CCDC174: variants seen among roughly 807,000 people sequenced by gnomAD.
CCDC174 encodes the protein coiled-coil domain containing 174.
CCDC174 carries 37 observed loss-of-function variants against 57.1 expected under a neutral mutation model. The ratio of observed to expected loss-of-function variants is 0.65; its 90% confidence interval spans 0.50 to 0.85. The LOEUF is 0.85. CCDC174 is among the 40% of genes least tolerant of loss of function. CCDC174 has a pLI of 0.00. For synonymous variants in CCDC174, 182 were observed against 190.2 expected (o/e 0.96, Z 0.35); for missense variants, 540 against 574.3 (o/e 0.94, Z 0.61).
chr3:14,653,887 T>G (rs1575067362), intron 1 of CCDC174, among the ~76,000 whole-genome samples: 1 of 152,396 alleles, frequency 6.6e-6, no homozygotes, highest in South Asian at 2.1e-4. Context: ...TATCTGAACT[T>G]ATGTGCTACT....
intron 6 of CCDC174, 82 bp from the exon 7 acceptor site, chr3:14,666,723 A>T: frequency 9.1e-7 from 1 of 1,099,742 alleles, no homozygotes; most frequent in South Asian, 1.8e-5. Context: ...AGTGTTACTT[A>T]TGCATGATGC....
At chr3:14,664,889 A>G (rs2031262914) in intron 5 of CCDC174, 139 bp from the exon 6 acceptor site, 1 of 679,816 alleles carries the variant, frequency 1.5e-6, no homozygotes, top group Admixed American at 2.4e-5. Context: ...TATTCCTATC[A>G]GTGGTAGTGG....
At chr3:14,663,139 G>C (rs772381380) in intron 5 of CCDC174, among the ~76,000 whole-genome samples, 3 of 152,004 alleles carry the variant, frequency 2.0e-5, no homozygotes, top group Non-Finnish European at 4.4e-5. Context: ...TCACAGCCTC[G>C]ACCTCCTGGG....
At position 14,671,406 on chromosome 3, in the gene CCDC174, A is replaced by AGGTCACGAGGAATTTCTC; in HGVS notation, c.*212_*213insGGTCACGAGGAATTTCTC. 1 of 542,552 alleles carries AGGTCACGAGGAATTTCTC rather than the reference A, an allele frequency of 1.8e-6. No homozygotes were observed. The highest frequency in any genetic ancestry group is 3.3e-6 in the Non-Finnish European group (1 of 307,328). 33.6% of individuals were successfully genotyped at this position (542,552 alleles called of 1,614,324 possible). A position where few individuals can be genotyped will look rare whatever the true frequency, so the allele number is the denominator to read the frequency against. ...TTCTAAGTGGGATAGGGACATACCTACCTGGATTTACATGTGAGCTGCGAT... is the reference window on the plus strand; with the variant it reads ...TTCTAAGTGGGATAGGGACATACCTAGGTCACGAGGAATTTCTCCCTGGATTTACATGTGAGCTGCGAT... On this transcript the variant is annotated 3_prime_UTR_variant, in exon 11 of 11. Transcript: ENST00000383794.
intron 4 of CCDC174, among the ~76,000 whole-genome samples, chr3:14,659,809 T>C (rs2031071324): frequency 6.6e-6 from 1 of 152,138 alleles, no homozygotes; most frequent in Non-Finnish European, 1.5e-5. Context: ...GAATATGTAA[T>C]CAGGGAAGTC....
At position 14,651,829 on chromosome 3, in the gene CCDC174, C is replaced by T. The variant is rs1174110169; in HGVS notation, c.-8C>T. On this transcript the variant is annotated 5_prime_UTR_variant, in exon 1 of 11. Transcript: ENST00000383794. The stretch of plus-strand genomic sequence containing the variant: ...GTCCTTCCTGGACCGGGACCCTCTG[C>T]CACGACCATGGACCGTAGGAAAAAG... 1.9e-6 allele frequency: 3 copies of T among 1,613,956 alleles called. No individual in the cohort carries two copies. Among genetic ancestry groups the T allele is most frequent in the South Asian group, 2.2e-5 (2 of 91,078 alleles).
chr3:14,662,337 C>CA (rs2031168301), intron 5 of CCDC174, among the ~76,000 whole-genome samples: 1 of 149,160 alleles, frequency 6.7e-6, no homozygotes, highest in Non-Finnish European at 1.5e-5. Context: ...AACACCCCCC[C>CA]GCCCCCCTTC....
At chr3:14,654,144 AT>A (rs1365924110) in intron 1 of CCDC174, among the ~76,000 whole-genome samples, 1 of 152,354 alleles carries the variant, frequency 6.6e-6, no homozygotes, top group South Asian at 2.1e-4. Flanking sequence ...GACTTTATTA[AT>A]TTATTTTGCT....
intron 7 of CCDC174, 85 bp downstream of exon 7, chr3:14,667,032 A>G (rs1403377435): frequency 1.7e-6 from 2 of 1,170,902 alleles, no homozygotes; most frequent in South Asian, 1.5e-5. Flanking sequence ...TCATAAAGCA[A>G]TAGCTTTTAC....
chr3:14,668,325 A>C, intron 9 of CCDC174, 144 bp downstream of exon 9: 4 of 714,552 alleles, frequency 5.6e-6, no homozygotes, highest in Middle Eastern at 4.2e-4. Context: ...TGGCAGGAGC[A>C]ATTTTTATAA....
At chr3:14,659,921 A>G (rs1425734197) in intron 4 of CCDC174, among the ~76,000 whole-genome samples, 1 of 152,198 alleles carries the variant, frequency 6.6e-6, no homozygotes, top group Admixed American at 6.5e-5. Context: ...CCAGAGGTCA[A>G]CAGAGTCACC....
rs932010064 is a variant in CCDC174, at chr3:14,667,652, A to G, written c.819+134A>G. On this transcript the variant is annotated intron_variant, in intron 8 of 10. Transcript: ENST00000383794. ...TCAGAATTGCATAAAGGTAGTTGCC[A>G]TACTATTTTTGTGTTTCAAATTTTA... 1.1e-5 allele frequency: 8 copies of G among 695,938 alleles called. No homozygotes were observed. In the African/African-American group the frequency reaches 1.3e-4, roughly 11 times the overall value. The allele number at this position is 695,938 out of a possible 1,614,324, so 43.1% of individuals were successfully genotyped here.
intron 5 of CCDC174, among the ~76,000 whole-genome samples, chr3:14,663,041 T>G (rs13081116): frequency 6.6e-6 from 1 of 152,168 alleles, no homozygotes; most frequent in African/African-American, 2.4e-5. Flanking sequence ...TCATCATTTC[T>G]TTCTTTCTTT....
At chr3:14,667,811 T>G (rs1336302883) in intron 8 of CCDC174, among the ~76,000 whole-genome samples, 2 of 152,146 alleles carry the variant, frequency 1.3e-5, no homozygotes, top group African/African-American at 2.4e-5. Flanking sequence ...TGGGTTGGTT[T>G]TCTTGAGTGT....
At chr3:14,659,061 A>G (rs1197093304) in intron 4 of CCDC174, 132 bp downstream of exon 4, 3 of 854,922 alleles carry the variant, frequency 3.5e-6, no homozygotes, top group African/African-American at 3.5e-5. Context: ...CCATGGCTGC[A>G]CAGAGACAAG....
intron 1 of CCDC174, 34 bp from the exon 2 acceptor site, chr3:14,654,392 T>G (rs1482008308): frequency 8.9e-7 from 1 of 1,129,578 alleles, no homozygotes; most frequent in African/African-American, 1.6e-5. Flanking sequence ...TGCAGGAATT[T>G]AATATTTTTG....
At position 14,658,935 on chromosome 3, in the gene CCDC174, T is replaced by C; in HGVS notation, c.307+6T>C. On this transcript the variant is annotated splice_donor_region_variant and intron_variant, in intron 4 of 10. Transcript: ENST00000383794. ...GACTAAAGGAGACTTTATAGGTAAA[T>C]AAAATTTGTTATTTCTACTTCATTT... The C allele has an allele frequency of 6.7e-7, 1 of 1,499,632 alleles. No individual in the cohort carries two copies. The highest frequency in any genetic ancestry group is 1.8e-4 in the Middle Eastern group (1 of 5,624). 92.9% of individuals were successfully genotyped at this position (1,499,632 alleles called of 1,614,324 possible).
At chr3:14,665,191 G>A in intron 6 of CCDC174, 68 bp downstream of exon 6, 11 of 1,050,802 alleles carry the variant, frequency 1.0e-5, no homozygotes, top group South Asian at 1.0e-4. Context: ...GTTTTGTGAG[G>A]GGAGGCTGTT....
intron 5 of CCDC174, among the ~76,000 whole-genome samples, chr3:14,663,080 T>G (rs2031204953): frequency 6.6e-6 from 1 of 152,238 alleles, no homozygotes; most frequent in South Asian, 2.1e-4. Context: ...AGGCAGGGTC[T>G]CCACACTCCG....
Sources: gnomAD v4.1 joint callset for allele counts (sites outside exome capture counted in the v4.1 genomes callset) on GRCh38, gnomAD v4.1.1 for gene constraint, MANE v1.5 for transcripts, NCBI Gene and HGNC (gene_info 2026-07-23, HGNC 2026-07-21) for gene names.